The following AP3M1 variants were observed in gnomAD, a reference collection of about 807,000 sequenced individuals.
AP3M1 encodes AP-3 complex subunit mu-1.
A neutral mutation model predicts 42.6 loss-of-function variants in AP3M1; 29 were observed. The observed-to-expected ratio is 0.68, with a 90% CI of 0.51 to 0.93. The LOEUF is 0.93. Among genes scored for constraint, AP3M1 ranks in the 40% least tolerant of loss-of-function variants. The probability of loss-of-function intolerance (pLI) is 0.00; values close to 1 mark genes in which losing one functional copy is unlikely to be tolerated. For missense variants in AP3M1, 416 were observed against 510.2 expected (o/e 0.82, Z 1.78); for synonymous variants, 178 against 175.3 (o/e 1.02, Z -0.12).
At chr10:74,139,894 A>C (rs1315193211) in intron 1 of AP3M1, among the ~76,000 whole-genome samples, 4 of 142,420 alleles carry the variant, frequency 2.8e-5, no homozygotes, top group Non-Finnish European at 6.1e-5. Context: ...AGCCTGGGTG[A>C]CAGATTGAGA....
chr10:74,144,844 A>G (rs1841283397), intron 1 of AP3M1, among the ~76,000 whole-genome samples: 1 of 151,838 alleles, frequency 6.6e-6, no homozygotes, highest in African/African-American at 2.4e-5. Flanking sequence ...TTGTATTTTT[A>G]GTAGAGATGG....
At chr10:74,129,420 AT>A (rs1170944889) in intron 5 of AP3M1, among the ~76,000 whole-genome samples, 179 bp from the exon 6 acceptor site, 2 of 152,200 alleles carry the variant, frequency 1.3e-5, no homozygotes, top group Non-Finnish European at 2.9e-5. Context: ...TATGTACATT[AT>A]TTTATTTGAA....
Position 74,123,803 on chromosome 10 carries a change from C to T in AP3M1, c.*7G>A. 1 of 1,612,778 alleles carries T rather than the reference C, an allele frequency of 6.2e-7. No homozygotes were observed. The highest frequency in any genetic ancestry group is 8.5e-7 in the Non-Finnish European group (1 of 1,178,884). The stretch of plus-strand genomic sequence containing the variant: ...ACAAACTGGTCCTGAGGAATTTTGG[C>T]CTCTTCTCATGTCCTCACTTGGAAC... On this transcript the variant is annotated 3_prime_UTR_variant, in exon 9 of 9. Transcript: ENST00000355264.
At position 74,135,953 on chromosome 10, in the gene AP3M1, G is replaced by C. The variant is rs190311711; in HGVS notation, c.445+679C>G. Reference sequence around the variant, plus strand: ...TTTACAATGGTTGACAGTGGAGTTGGAGTGGCATATAACATTTCATAGGAA... The same window carrying C: ...TTTACAATGGTTGACAGTGGAGTTGCAGTGGCATATAACATTTCATAGGAA... On this transcript the variant is annotated intron_variant, in intron 3 of 8. Transcript: ENST00000355264. Among the ~76,000 whole-genome samples the C allele has an allele frequency of 2.3e-3, 348 of 152,276 alleles. 2 individuals carry two copies. Among genetic ancestry groups the C allele is most frequent in the African/African-American group, 7.7e-3 (319 of 41,558 alleles).
chr10:74,131,096 T>C (rs1285538005), intron 4 of AP3M1, among the ~76,000 whole-genome samples: 1 of 152,024 alleles, frequency 6.6e-6, no homozygotes, highest in Non-Finnish European at 1.5e-5. Context: ...TGGGCGACAA[T>C]GTGAGACTCT....
intron 8 of AP3M1, 69 bp downstream of exon 8, chr10:74,124,311 T>C: frequency 6.5e-7 from 1 of 1,539,364 alleles, no homozygotes; most frequent in South Asian, 1.3e-5. Flanking sequence ...TTTGTTACTC[T>C]TCTAAATGCC....
chr10:74,123,965 G>A, intron 8 of AP3M1, 55 bp from the exon 9 acceptor site: 1 of 1,453,102 alleles, frequency 6.9e-7, no homozygotes, highest in Non-Finnish European at 9.7e-7. Context: ...CCAATATAAT[G>A]TTAGCAATGA....
rs373407186 is a variant in AP3M1 at position 74,144,686 on chromosome 10, G to A, written c.-4+6069C>T. 1.7e-4 allele frequency among the ~76,000 whole-genome samples: 24 copies of A among 143,536 alleles called. No homozygotes were observed. The East Asian group carries it at 2.9e-3, about 18-fold the overall frequency. The allele number at this position is 143,536 out of a possible 152,430, so 94.2% of individuals were successfully genotyped here. The stretch of plus-strand genomic sequence containing the variant: ...TATGATTTTTTTTTTTTTTTGAGAC[G>A]GAGTCTTGCTCTATTGCCCAGGCTG... On this transcript the variant is annotated intron_variant, in intron 1 of 8. Coordinates refer to ENST00000355264, the MANE Select transcript of AP3M1 (RefSeq NM_012095.6).
intron 1 of AP3M1, among the ~76,000 whole-genome samples, chr10:74,141,633 A>C (rs1841154181): frequency 6.6e-6 from 1 of 152,028 alleles, no homozygotes; most frequent in Non-Finnish European, 1.5e-5. Flanking sequence ...GTTAAATCAA[A>C]TGGTTTCCTT....
chr10:74,129,758 C>T lies in AP3M1; in HGVS notation c.669+149G>A, dbSNP rs77242151. The T allele has an allele frequency of 1.7e-3, 1,078 of 639,418 alleles. 9 individuals are homozygous for T. Among genetic ancestry groups the T allele is most frequent in the African/African-American group, 0.015 (841 of 54,666 alleles). 39.6% of individuals were successfully genotyped at this position (639,418 alleles called of 1,614,324 possible). ...ACAAAGACCACGCTCATCATGTAAG[C>T]GACTGTCTTAGGAAACTCTGCTAGG... On this transcript the variant is annotated intron_variant, in intron 5 of 8. Coordinates refer to ENST00000355264, the MANE Select transcript of AP3M1 (RefSeq NM_012095.6).
At chr10:74,138,749 G>T in intron 1 of AP3M1, 1 of 170,978 alleles carries the variant, frequency 5.8e-6, no homozygotes, top group Non-Finnish European at 1.2e-5. Flanking sequence ...TGGGCAACAG[G>T]GCAAAACATC....
chr10:74,126,440 T>C, intron 6 of AP3M1, 85 bp from the exon 7 acceptor site: 1 of 1,066,764 alleles, frequency 9.4e-7, no homozygotes, highest in Non-Finnish European at 1.4e-6. Flanking sequence ...TGAAAACCTC[T>C]GTCCAGAGTA....
In AP3M1 at chr10:74,122,385, T is replaced by C. The variant is rs1238989988; in HGVS notation, c.*1425A>G. The C allele has an allele frequency of 6.6e-6, 1 of 152,124 alleles. No individual in the cohort carries two copies. The highest frequency in any genetic ancestry group is 2.4e-5 in the African/African-American group (1 of 41,408). The allele number at this position is 152,124 out of a possible 1,614,324, so 9.4% of individuals were successfully genotyped here. A position where few individuals can be genotyped will look rare whatever the true frequency, so the allele number is the denominator to read the frequency against. On this transcript the variant is annotated 3_prime_UTR_variant, in exon 9 of 9. Coordinates refer to ENST00000355264, the MANE Select transcript of AP3M1 (RefSeq NM_012095.6). ...GAATGGAGCCACAAAGAGAATAGCA[T>C]AAATAACAAGAAGGAAACATGAAGA... is the stretch of plus-strand genomic sequence containing the variant.
chr10:74,126,796 C>G (rs1479901603), intron 6 of AP3M1, among the ~76,000 whole-genome samples: 2 of 150,772 alleles, frequency 1.3e-5, no homozygotes, highest in Non-Finnish European at 3.0e-5. Context: ...CATGGTGAAA[C>G]CTCGTCTCTA....
chr10:74,141,789 T>C (rs1460135364), intron 1 of AP3M1, among the ~76,000 whole-genome samples: 1 of 150,678 alleles, frequency 6.6e-6, no homozygotes, highest in East Asian at 1.9e-4. Context: ...CTCGGCTCAC[T>C]GAAACCTCTG....
At chr10:74,145,163 A>G (rs970038813) in intron 1 of AP3M1, among the ~76,000 whole-genome samples, 1 of 152,204 alleles carries the variant, frequency 6.6e-6, no homozygotes, top group Non-Finnish European at 1.5e-5. Context: ...CCTTTGCCAC[A>G]ATACACTCTG....
At chr10:74,132,944 C>A (rs1230400404) in intron 4 of AP3M1, among the ~76,000 whole-genome samples, 1 of 152,048 alleles carries the variant, frequency 6.6e-6, no homozygotes, top group African/African-American at 2.4e-5. Context: ...TTATATGTAA[C>A]CTATGGGCAA....
At chr10:74,135,403 C>T (rs1840912384) in intron 3 of AP3M1, among the ~76,000 whole-genome samples, 1 of 152,134 alleles carries the variant, frequency 6.6e-6, no homozygotes, top group African/African-American at 2.4e-5. Context: ...GGGATTACTT[C>T]ATTAATGGAA....
intron 1 of AP3M1, among the ~76,000 whole-genome samples, chr10:74,142,560 G>T (rs978516225): frequency 2.6e-5 from 4 of 152,108 alleles, no homozygotes; most frequent in East Asian, 1.9e-4. Flanking sequence ...ACAGTTTAGG[G>T]TTCCTGTTTA....
Sources: allele counts gnomAD v4.1 joint callset (sites outside exome capture counted in the v4.1 genomes callset), GRCh38; gene constraint gnomAD v4.1.1; transcripts MANE v1.5; gene names NCBI Gene and HGNC (gene_info 2026-07-23, HGNC 2026-07-21).